Variants in ACIN1 observed in about 807,000 individuals in gnomAD.
The protein encoded by ACIN1 is apoptotic chromatin condensation inducer in the nucleus.
A neutral mutation model predicts 146.6 loss-of-function variants in ACIN1; 16 were observed. The ratio of observed to expected loss-of-function variants is 0.11; its 90% CI spans 0.07 to 0.17. The LOEUF (loss-of-function observed/expected upper bound fraction) is 0.17, where lower values mean the gene tolerates loss of function less well. Among genes scored for constraint, ACIN1 ranks in the 10% least tolerant of loss-of-function variants. The probability of loss-of-function intolerance (pLI) is 1.00; values close to 1 mark genes in which losing one functional copy is unlikely to be tolerated. For synonymous variants in ACIN1, 569 were observed against 582.7 expected, an observed-to-expected ratio of 0.98 and a Z score of 0.34; for missense variants, 1,357 against 1,609.3, an observed-to-expected ratio of 0.84 and a Z score of 2.68.
intron 8 of ACIN1, among the ~76,000 whole-genome samples, chr14:23,075,040 TG>T (rs1381952681): frequency 6.6e-6 from 1 of 152,220 alleles, no homozygotes; most frequent in Non-Finnish European, 1.5e-5. Flanking sequence ...CAAACTCTAT[TG>T]ATGACAACAA....
chr14:23,095,122 G>A lies in ACIN1; in HGVS notation c.-10C>T. On this transcript the variant is annotated 5_prime_UTR_variant, in exon 1 of 19. Coordinates refer to ENST00000605057, the MANE Select transcript of ACIN1 (RefSeq NM_001386863.1). ...CCTCCAGCTCCGCCATCTTGCGTGA[G>A]GTACTCGGGTCCGTCCCGACGGCTT... 2 of 1,614,204 alleles carry A rather than the reference G, an allele frequency of 1.2e-6. No homozygotes were observed. The highest frequency in any genetic ancestry group is 8.5e-7 in the Non-Finnish European group (1 of 1,180,040).
intron 4 of ACIN1, among the ~76,000 whole-genome samples, chr14:23,082,737 GT>G (rs1264054663): frequency 6.9e-6 from 1 of 144,532 alleles, no homozygotes; most frequent in Non-Finnish European, 1.5e-5. Flanking sequence ...GAGCTCACAT[GT>G]TTTTCTTTTT....
rs879488708 is a variant in ACIN1 at position 23,080,269 on chromosome 14, T to C, written c.1066A>G (p.Thr356Ala). Residue 356 changes from threonine (T) to alanine (A), a missense_variant, in exon 6 of 19, where the codon ACT becomes GCT. Transcript: ENST00000605057. ...TCCTTTGTTAGTAAAGGTGGAGGAGTCTCCTCCTCGCTGGCAGTTTGCTCT... is the reference window on the plus strand; with the variant it reads ...TCCTTTGTTAGTAAAGGTGGAGGAGCCTCCTCCTCGCTGGCAGTTTGCTCT... The part of the protein sequence containing the change: ...LPEQTASEEE[T>A]PPPLLTKEAS... 8.1e-6 allele frequency: 13 copies of C among 1,613,914 alleles called. No homozygotes were observed. Among genetic ancestry groups the C allele is most frequent in the Non-Finnish European group, 1.0e-5 (12 of 1,179,956 alleles).
Position 23,071,050 on chromosome 14 carries a change from C to T in ACIN1, c.2124-1433G>A, listed in dbSNP as rs181072331. 7.6e-6 allele frequency: 11 copies of T among 1,451,406 alleles called. No homozygotes were observed. In the East Asian group the frequency reaches 2.0e-4, roughly 26 times the overall value. The allele number at this position is 1,451,406 out of a possible 1,614,324, so 89.9% of individuals were successfully genotyped here. On this transcript the variant is annotated intron_variant, in intron 8 of 18. Coordinates refer to ENST00000605057, the MANE Select transcript of ACIN1 (RefSeq NM_001386863.1). The stretch of plus-strand genomic sequence containing the variant: ...CCAAAACGAAAGACGGAATGAAAGC[C>T]ATGAGGAAGAGAAGGAAGACGAAGG...
chr14:23,064,529 G>A, intron 10 of ACIN1, 41 bp from the exon 11 acceptor site: 1 of 1,608,644 alleles, frequency 6.2e-7, no homozygotes, highest in Non-Finnish European at 8.5e-7. Flanking sequence ...ATGGTCTCAG[G>A]ACCTCTGCTA....
At chr14:23,070,983 G>A (rs946026532) in intron 8 of ACIN1, 14 of 920,220 alleles carry the variant, frequency 1.5e-5, no homozygotes, top group South Asian at 9.5e-5. Flanking sequence ...TAGAAACTGG[G>A]CAGGCAGGAC....
In ACIN1 at chr14:23,067,443, G is replaced by A; in HGVS notation, c.2266-1435C>T. 1.0e-6 allele frequency: 1 copy of A among 985,390 alleles called. No homozygotes were observed. The allele number at this position is 985,390 out of a possible 1,614,324, so 61.0% of individuals were successfully genotyped here. A position where few individuals can be genotyped will look rare whatever the true frequency, so the allele number is the denominator to read the frequency against. ...GGGGGGTTGGGTTGGCAAAAAAGGT[G>A]GGCGCACGGCGTGGTAGTCAGCACG... On this transcript the variant is annotated intron_variant, in intron 9 of 18. Coordinates refer to ENST00000605057, the MANE Select transcript of ACIN1 (RefSeq NM_001386863.1). The surrounding 1 kb of genome is among the most constrained non-coding windows in gnomAD (Gnocchi z 4.6).
rs752217564 is a variant in ACIN1 at position 23,080,733 on chromosome 14, A to G, written c.602T>C (p.Leu201Pro). The change falls in exon 6 of 19, where the codon CTA (leucine) becomes CCA (proline). Residue 201 changes from leucine (L) to proline (P), a missense_variant. Leu to Pro is a moderately conservative substitution (Grantham distance 98). Transcript: ENST00000605057. ...CAAATTTCGATCTGCTCTGACCCTT[A>G]GGTTTCTGGAAGGTGTTTCTTGATC... ...EEDQETPSRNLRVRADRNLKT... is the reference protein window; with the variant it reads ...EEDQETPSRNPRVRADRNLKT... The G allele has an allele frequency of 6.2e-7, 1 of 1,613,634 alleles. No individual in the cohort carries two copies. Among genetic ancestry groups the G allele is most frequent in the South Asian group, 1.1e-5 (1 of 91,066 alleles).
At chr14:23,074,478 T>C (rs1026916561) in intron 8 of ACIN1, among the ~76,000 whole-genome samples, 21 of 151,896 alleles carry the variant, frequency 1.4e-4, no homozygotes, top group Middle Eastern at 3.2e-3. Flanking sequence ...GGCATGATAA[T>C]TGCTTGAACC....
chr14:23,095,458 G>A, upstream of ACIN1: 1 of 935,058 alleles, frequency 1.1e-6, no homozygotes, highest in Non-Finnish European at 1.5e-6. Flanking sequence ...TAGAGATGAG[G>A]CGCTGGGGCG....
chr14:23,064,095 G>A lies in ACIN1; in HGVS notation c.2595+10C>T, dbSNP rs1283990823. 1.2e-6 allele frequency: 2 copies of A among 1,613,998 alleles called. No homozygotes were observed. Among genetic ancestry groups the A allele is most frequent in the East Asian group, 2.2e-5 (1 of 44,878 alleles). The stretch of plus-strand genomic sequence containing the variant: ...ACCTTTCCCCTGACACTGGGGTGCA[G>A]AAGCCTTACCTGAGTGACTGTCCGG... On this transcript the variant is annotated intron_variant, in intron 12 of 18. Transcript: ENST00000605057.
upstream of ACIN1, chr14:23,095,508 G>A (rs2048355346): frequency 5.1e-6 from 3 of 586,526 alleles, no homozygotes; most frequent in Admixed American, 7.1e-5. Context: ...GAAGTGCGTG[G>A]GCTGCCGGGC....
rs566549950 is a variant in ACIN1, at chr14:23,064,055, G to C, written c.2595+50C>G. On this transcript the variant is annotated intron_variant, in intron 12 of 18. Coordinates refer to ENST00000605057, the MANE Select transcript of ACIN1 (RefSeq NM_001386863.1). ...TCTCAGCTCCTCAGCTAGCTGCTCT[G>C]CATCTACTGCTCCCACCTTTCCCCT... The C allele has an allele frequency of 1.3e-5, 21 of 1,607,576 alleles. No homozygotes were observed. The Middle Eastern group carries it at 5.0e-4, about 38-fold the overall frequency.
At chr14:23,093,580 G>GA (rs752613965) in intron 1 of ACIN1, 36 bp from the exon 2 acceptor site, 5 of 1,578,810 alleles carry the variant, frequency 3.2e-6, no homozygotes, top group Non-Finnish European at 4.3e-6. Flanking sequence ...GAAATGATGA[G>GA]GAAAAAAAAG....
intron 4 of ACIN1, among the ~76,000 whole-genome samples, chr14:23,085,593 A>G (rs1247719685): frequency 1.3e-5 from 2 of 152,238 alleles, no homozygotes; most frequent in African/African-American, 4.8e-5. Context: ...AGTTCTGGTC[A>G]TCACTGTTTT....
intron 8 of ACIN1, among the ~76,000 whole-genome samples, chr14:23,073,917 C>T (rs896158746): frequency 9.3e-5 from 14 of 150,330 alleles, no homozygotes; most frequent in African/African-American, 3.2e-4. Flanking sequence ...CAGCTCACTG[C>T]AAGCTCCGCC....
At chr14:23,090,264 T>C (rs1448297430) in intron 3 of ACIN1, among the ~76,000 whole-genome samples, 163 bp from the exon 4 acceptor site, 1 of 152,224 alleles carries the variant, frequency 6.6e-6, no homozygotes, top group Non-Finnish European at 1.5e-5. Flanking sequence ...CAGCTCTACT[T>C]CATCTAAATG....
intron 2 of ACIN1, 68 bp from the exon 3 acceptor site, chr14:23,090,701 C>T (rs2048206458): frequency 2.3e-6 from 3 of 1,283,974 alleles, no homozygotes; most frequent in African/African-American, 1.5e-5. Flanking sequence ...AAGAACATTC[C>T]ATGGAGCAAA....
chr14:23,078,533 CT>C (rs1165693008), intron 7 of ACIN1, among the ~76,000 whole-genome samples: 1 of 151,992 alleles, frequency 6.6e-6, no homozygotes, highest in African/African-American at 2.4e-5. Context: ...TGACAGAATT[CT>C]TTTTTGAGAG....
Sources: gnomAD v4.1 joint callset for allele counts (sites outside exome capture counted in the v4.1 genomes callset) on GRCh38, gnomAD v4.1.1 for gene constraint, Gnocchi (gnomAD v3.1) non-coding constraint, MANE v1.5 for transcripts, NCBI Gene and HGNC (gene_info 2026-07-23, HGNC 2026-07-21) for gene names.